The following JAK2 variants were observed in gnomAD, a reference collection of about 807,000 sequenced individuals.
JAK2 encodes the protein Janus kinase 2, also known as tyrosine-protein kinase JAK2.
In JAK2, 86 loss-of-function variants were observed where a neutral mutation model predicts 139.3. The ratio of observed to expected loss-of-function variants is 0.62; its 90% CI spans 0.52 to 0.74. JAK2 has a LOEUF of 0.74. JAK2 is among the 30% of genes least tolerant of loss of function. The pLI, the probability that JAK2 is intolerant of heterozygous loss-of-function variation, is 0.00. For missense variants in JAK2, 1,421 were observed against 1,360.3 expected (o/e 1.04, Z -0.70); for synonymous variants, 490 against 437.7 (o/e 1.12, Z -1.49).
intron 4 of JAK2, among the ~76,000 whole-genome samples, chr9:5,032,148 T>A (rs1228300381): frequency 2.0e-5 from 3 of 152,222 alleles, no homozygotes; most frequent in Non-Finnish European, 1.5e-5. Flanking sequence ...GCCTCGCTCA[T>A]TGCTAGCACA....
intron 3 of JAK2, among the ~76,000 whole-genome samples, chr9:5,028,037 C>T (rs1033914404): frequency 3.9e-5 from 6 of 152,150 alleles, no homozygotes; most frequent in East Asian, 1.9e-4. Context: ...TTTTTCATGA[C>T]GTCTAGAATG....
intron 22 of JAK2, chr9:5,110,726 A>G (rs1013819164): frequency 1.1e-5 from 4 of 355,202 alleles, no homozygotes; most frequent in African/African-American, 4.3e-5. Flanking sequence ...ACTGCTGGCT[A>G]TAGTACCCGT....
Position 5,064,964 on chromosome 9 carries a change from C to A in JAK2, c.1138C>A (p.His380Asn), listed in dbSNP as rs2130492687. The change falls in exon 9 of 25, where the codon CAT (histidine) becomes AAT (asparagine). Residue 380 changes from histidine to asparagine, a missense_variant. Coordinates refer to ENST00000381652, the MANE Select transcript of JAK2 (RefSeq NM_004972.4). ...ATATTATAGATTAACTGCAGATGCA[C>A]ATCATTACCTCTGTAAAGAAGTAGC... is the stretch of plus-strand genomic sequence containing the variant. ...DGYYRLTADA[H>N]HYLCKEVAPP... 1 of 1,607,568 alleles carries A rather than the reference C, an allele frequency of 6.2e-7. No homozygotes were observed. Among genetic ancestry groups the A allele is most frequent in the South Asian group, 1.1e-5 (1 of 90,338 alleles).
chr9:5,013,951 G>A (rs1428637568), intron 2 of JAK2, among the ~76,000 whole-genome samples: 3 of 151,938 alleles, frequency 2.0e-5, no homozygotes, highest in Non-Finnish European at 4.4e-5. Context: ...CTTATTTTTA[G>A]GTCTCTTGGC....
At chr9:5,000,334 C>G (rs1307765713) in intron 2 of JAK2, among the ~76,000 whole-genome samples, 1 of 151,862 alleles carries the variant, frequency 6.6e-6, no homozygotes, top group Admixed American at 6.6e-5. Context: ...AGGAAATAGT[C>G]GGAAATGTCC....
chr9:5,017,902 G>C (rs140852926), intron 2 of JAK2, among the ~76,000 whole-genome samples: 62 of 152,222 alleles, frequency 4.1e-4, no homozygotes, highest in Non-Finnish European at 4.9e-4. Flanking sequence ...TCTCTTTACT[G>C]TTTGTGACTT....
At chr9:5,005,815 G>T (rs558499149) in intron 2 of JAK2, among the ~76,000 whole-genome samples, 8 of 152,190 alleles carry the variant, frequency 5.3e-5, no homozygotes, top group Admixed American at 4.6e-4. Flanking sequence ...GTTTTAAATG[G>T]TATATTCTGA....
rs935518281 is a variant in JAK2, at chr9:5,050,803, A to G, written c.586A>G (p.Thr196Ala). Residue 196 changes from threonine (T) to alanine (A), a missense_variant, in exon 6 of 25, where the codon ACC becomes GCC. Transcript: ENST00000381652. ...GAGAATAGCCAAAGAAAACGATCAA[A>G]CCCCACTGGCCATCTATAACTCTAT... is the stretch of plus-strand genomic sequence containing the variant. Reference protein sequence around the residue: ...MMRIAKENDQTPLAIYNSISY... With the variant: ...MMRIAKENDQAPLAIYNSISY... 1 of 1,613,358 alleles carries G rather than the reference A, an allele frequency of 6.2e-7. No individual in the cohort carries two copies.
At chr9:5,004,007 A>T (rs566583514) in intron 2 of JAK2, among the ~76,000 whole-genome samples, 43 of 152,192 alleles carry the variant, frequency 2.8e-4, no homozygotes, top group East Asian at 7.7e-4. Context: ...TATTTAAAAA[A>T]TTTTTTTCTA....
intron 19 of JAK2, among the ~76,000 whole-genome samples, chr9:5,086,612 C>T (rs988936814): frequency 4.6e-5 from 7 of 152,084 alleles, no homozygotes; most frequent in African/African-American, 1.7e-4. Context: ...AATTCCTTGG[C>T]TTCTCTACCC....
chr9:5,070,059 C>A lies in JAK2; in HGVS notation c.1641+7C>A. 4 of 1,588,582 alleles carry A rather than the reference C, an allele frequency of 2.5e-6. No homozygotes were observed. In the South Asian group the frequency reaches 4.6e-5, roughly 18 times the overall value. ...AAATGAAGATTTGATATTTGTAAGT[C>A]ATTAGATACTCATTACTGTCTTTTT... On this transcript the variant is annotated splice_region_variant and intron_variant, in intron 12 of 24. Coordinates refer to ENST00000381652, the MANE Select transcript of JAK2 (RefSeq NM_004972.4).
intron 2 of JAK2, among the ~76,000 whole-genome samples, chr9:5,006,034 G>C (rs539106517): frequency 1.3e-5 from 2 of 152,206 alleles, no homozygotes; most frequent in South Asian, 4.1e-4. Flanking sequence ...TGTGAAGAAA[G>C]TCATTGGTAG....
intron 22 of JAK2, chr9:5,100,372 G>A (rs1586793735): frequency 6.6e-6 from 1 of 152,044 alleles, no homozygotes; most frequent in Non-Finnish European, 1.5e-5. Flanking sequence ...TTAACCCTAG[G>A]CCTATTAATC....
At chr9:5,062,213 A>C (rs1818227525) in intron 8 of JAK2, among the ~76,000 whole-genome samples, 1 of 152,004 alleles carries the variant, frequency 6.6e-6, no homozygotes, top group African/African-American at 2.4e-5. Flanking sequence ...GACATTTTGC[A>C]TATATGGGTT....
rs921399641 is a variant in JAK2, at chr9:5,073,766, A to G, written c.1845A>G (p.Val615=). 6.2e-7 allele frequency: 1 copy of G among 1,609,658 alleles called. No homozygotes were observed. The highest frequency in any genetic ancestry group is 2.2e-5 in the East Asian group (1 of 44,810). Reference sequence around the variant, plus strand: ...AGCATTTGGTTTTAAATTATGGAGTATGTGTCTGTGGAGACGAGAGTAAGT... The same window carrying G: ...AGCATTTGGTTTTAAATTATGGAGTGTGTGTCTGTGGAGACGAGAGTAAGT... ...SHKHLVLNYG[V]CVCGDENILV... The change falls in exon 14 of 25, where the codon GTA becomes GTG. Residue 615 remains valine, a synonymous_variant. Coordinates refer to ENST00000381652, the MANE Select transcript of JAK2 (RefSeq NM_004972.4).
chr9:5,085,248 T>C (rs1392850161), intron 19 of JAK2: 3 of 676,220 alleles, frequency 4.4e-6, no homozygotes, highest in Non-Finnish European at 8.5e-6. Context: ...GACCAGTGGC[T>C]AACCTGAGAT....
intron 2 of JAK2, among the ~76,000 whole-genome samples, chr9:4,987,680 G>C (rs1401337018): frequency 1.2e-5 from 1 of 81,698 alleles, no homozygotes; most frequent in East Asian, 3.4e-4. Flanking sequence ...TGGTTGCAGT[G>C]AGCCGAGATC....
At position 5,126,053 on chromosome 9, in the gene JAK2, A is replaced by G. The variant is rs565307407; in HGVS notation, c.3178-280A>G. 1.7e-5 allele frequency: 4 copies of G among 241,642 alleles called. No individual in the cohort carries two copies. In the South Asian group the frequency reaches 6.8e-4, roughly 41 times the overall value. 15.0% of individuals were successfully genotyped at this position (241,642 alleles called of 1,614,324 possible). A position where few individuals can be genotyped will look rare whatever the true frequency, so the allele number is the denominator to read the frequency against. ...ATGATAAAAATATGAGTTTTTTAAC[A>G]ACAAAAAACTCAAAGGAAATATGTT... is the stretch of plus-strand genomic sequence containing the variant. On this transcript the variant is annotated intron_variant, in intron 23 of 24. Transcript: ENST00000381652.
rs151321055 is a variant in JAK2, at chr9:5,007,248, T to C, written c.-25-14715T>C. On this transcript the variant is annotated intron_variant, in intron 2 of 24. Transcript: ENST00000381652. The stretch of plus-strand genomic sequence containing the variant: ...CGTCTTGTGTATGAATTTAAGATTA[T>C]GAATATCTTAGTATACACTTTTACT... 4.7e-3 allele frequency among the ~76,000 whole-genome samples: 711 copies of C among 152,310 alleles called. 5 individuals carry two copies. The highest frequency in any genetic ancestry group is 0.016 in the African/African-American group (675 of 41,588).
Sources: allele counts gnomAD v4.1 joint callset (sites outside exome capture counted in the v4.1 genomes callset), GRCh38; gene constraint gnomAD v4.1.1; transcripts MANE v1.5; gene names NCBI Gene and HGNC (gene_info 2026-07-23, HGNC 2026-07-21).